Variants in HIBADH observed in about 807,000 individuals in gnomAD.
The protein encoded by HIBADH is 3-hydroxyisobutyrate dehydrogenase.
A neutral mutation model predicts 36.1 loss-of-function variants in HIBADH; 25 were observed. The ratio of observed to expected loss-of-function variants is 0.69; its 90% CI spans 0.50 to 0.97. The LOEUF is 0.97. Among genes scored for constraint, HIBADH ranks in the 50% least tolerant of loss-of-function variants. The probability of loss-of-function intolerance (pLI) is 0.00; values close to 1 mark genes in which losing one functional copy is unlikely to be tolerated. For synonymous variants in HIBADH, 160 were observed against 149.5 expected, an observed-to-expected ratio of 1.07 and a Z score of -0.51; for missense variants, 421 against 418.0, an observed-to-expected ratio of 1.01 and a Z score of -0.06.
At chr7:27,636,539 T>G (rs557769174) in intron 2 of HIBADH, among the ~76,000 whole-genome samples, 2 of 152,368 alleles carry the variant, frequency 1.3e-5, no homozygotes, top group East Asian at 3.9e-4. Flanking sequence ...GATGCCAGAT[T>G]AGATCCCAAG....
chr7:27,564,013 C>T (rs916636806), intron 4 of HIBADH, among the ~76,000 whole-genome samples: 1 of 151,668 alleles, frequency 6.6e-6, no homozygotes, highest in Admixed American at 6.6e-5. Flanking sequence ...ATTCTCCTGC[C>T]TCAGCCTCCC....
intron 4 of HIBADH, among the ~76,000 whole-genome samples, chr7:27,608,390 T>G (rs75939127): frequency 2.1e-3 from 325 of 152,334 alleles, no homozygotes; most frequent in African/African-American, 7.6e-3. Context: ...TGTTCACAAC[T>G]ACATCACCCA....
intron 2 of HIBADH, among the ~76,000 whole-genome samples, chr7:27,648,038 A>C (rs751972213): frequency 6.6e-6 from 1 of 152,240 alleles, no homozygotes; most frequent in Non-Finnish European, 1.5e-5. Context: ...TCTTACTAAC[A>C]GATAAACCAC....
chr7:27,633,276 T>C (rs10486549), intron 2 of HIBADH, among the ~76,000 whole-genome samples: 30,920 of 152,128 alleles, frequency 0.2, 4,133 homozygotes, highest in East Asian at 0.53. Context: ...TTTCCACATA[T>C]TCACCTTGAT....
chr7:27,635,086 A>ATATG (rs112396501), intron 2 of HIBADH, among the ~76,000 whole-genome samples: 1 of 149,660 alleles, frequency 6.7e-6, no homozygotes, highest in Non-Finnish European at 1.5e-5. Context: ...CTCTCTGTGC[A>ATATG]TGTGTGTGTG....
At chr7:27,646,461 G>C (rs552321257) in intron 2 of HIBADH, among the ~76,000 whole-genome samples, 1 of 152,102 alleles carries the variant, frequency 6.6e-6, no homozygotes. Context: ...GACTCCCAGT[G>C]GATGCCTGAA....
chr7:27,613,599 T>C (rs1174349250), intron 4 of HIBADH, among the ~76,000 whole-genome samples: 1 of 151,874 alleles, frequency 6.6e-6, no homozygotes, highest in Non-Finnish European at 1.5e-5. Context: ...GTCCTTCTGT[T>C]GGCCTGGAAT....
intron 7 of HIBADH, among the ~76,000 whole-genome samples, chr7:27,530,206 CT>C (rs70994657): frequency 0.76 from 113,263 of 149,478 alleles, 43,246 homozygotes; most frequent in East Asian, 0.94. Context: ...TATTCTTTTT[CT>C]TTTTTTTTTT....
chr7:27,661,182 T>C (rs1786409454), intron 1 of HIBADH, among the ~76,000 whole-genome samples: 1 of 152,184 alleles, frequency 6.6e-6, no homozygotes, highest in Admixed American at 6.5e-5. Context: ...GTTACTGTGG[T>C]TCTGTATCAG....
At chr7:27,554,365 C>G (rs1232393066) in intron 4 of HIBADH, among the ~76,000 whole-genome samples, 1 of 152,200 alleles carries the variant, frequency 6.6e-6, no homozygotes, top group Non-Finnish European at 1.5e-5. Flanking sequence ...ATTTTACTTT[C>G]TTTAGGCAAC....
At chr7:27,604,489 C>T (rs991307159) in intron 4 of HIBADH, among the ~76,000 whole-genome samples, 5 of 151,352 alleles carry the variant, frequency 3.3e-5, no homozygotes, top group Non-Finnish European at 7.4e-5. Context: ...AATTCTAACA[C>T]AACAAGCCAA....
At chr7:27,595,147 C>A (rs1345449775) in intron 4 of HIBADH, among the ~76,000 whole-genome samples, 1 of 152,104 alleles carries the variant, frequency 6.6e-6, no homozygotes, top group Non-Finnish European at 1.5e-5. Flanking sequence ...TTACCATAAA[C>A]TGAATAAAGA....
rs796673520 is a variant in HIBADH at position 27,613,037 on chromosome 7, AATAT to A, written c.484+16330_484+16333del. The stretch of plus-strand genomic sequence containing the variant: ...AAAAATATATATATTATATTTACAT[AATAT>A]ATAAATATATATAATATAATTTATA... On this transcript the variant is annotated intron_variant, in intron 4 of 7. Transcript: ENST00000265395. Among the ~76,000 whole-genome samples, 3 of 129,968 alleles carry A rather than the reference AATAT, an allele frequency of 2.3e-5. No individual in the cohort carries two copies. In the South Asian group the frequency reaches 6.7e-4, roughly 29 times the overall value. 85.3% of individuals were successfully genotyped at this position (129,968 alleles called of 152,430 possible).
chr7:27,602,242 A>C lies in HIBADH; in HGVS notation c.484+27129T>G, dbSNP rs143767853. Among the ~76,000 whole-genome samples, 490 of 152,286 alleles carry C rather than the reference A, an allele frequency of 3.2e-3. 5 individuals carry two copies. Among genetic ancestry groups the C allele is most frequent in the African/African-American group, 0.011 (461 of 41,560 alleles). Reference sequence around the variant, plus strand: ...AGGATGAAATGTTTTAAAATACAGAAACAACCCAGTGTGATAAACTGACAC... The same window carrying C: ...AGGATGAAATGTTTTAAAATACAGACACAACCCAGTGTGATAAACTGACAC... On this transcript the variant is annotated intron_variant, in intron 4 of 7. Coordinates refer to ENST00000265395, the MANE Select transcript of HIBADH (RefSeq NM_152740.4).
At chr7:27,579,951 T>G (rs1784765666) in intron 4 of HIBADH, among the ~76,000 whole-genome samples, 1 of 152,206 alleles carries the variant, frequency 6.6e-6, no homozygotes, top group Non-Finnish European at 1.5e-5. Flanking sequence ...AGAAAATCCA[T>G]AGTACTTGCT....
At position 27,662,710 on chromosome 7, in the gene HIBADH, TGCCGGCTGCCGGCCGCAGCC is replaced by T. The variant is rs1319889652; in HGVS notation, c.59_78del (p.Arg20GlnfsTer8). On this transcript the variant is annotated frameshift_variant, in exon 1 of 8. Transcript: ENST00000265395. LOFTEE classifies it high-confidence loss of function. ...GTGAGGTCCTTACCCGCTGCAAAGC[TGCCGGCTGCCGGCCGCAGCC>T]GCCGGCTCCAGTACCGGAGACCGGA... is the stretch of plus-strand genomic sequence containing the variant. The T allele has an allele frequency of 1.5e-6, 2 of 1,368,360 alleles. No homozygotes were observed. Among genetic ancestry groups the T allele is most frequent in the Non-Finnish European group, 1.9e-6 (2 of 1,054,332 alleles). The allele number at this position is 1,368,360 out of a possible 1,614,324, so 84.8% of individuals were successfully genotyped here. A position where few individuals can be genotyped will look rare whatever the true frequency, so the allele number is the denominator to read the frequency against.
At chr7:27,595,038 G>T (rs1313456846) in intron 4 of HIBADH, among the ~76,000 whole-genome samples, 2 of 152,256 alleles carry the variant, frequency 1.3e-5, no homozygotes, top group East Asian at 3.9e-4. Flanking sequence ...CTTAGTGACA[G>T]TAAACCTTTT....
intron 7 of HIBADH, among the ~76,000 whole-genome samples, chr7:27,527,063 T>G (rs60045453): frequency 0.77 from 117,558 of 151,874 alleles, 46,217 homozygotes; most frequent in East Asian, 0.94. Flanking sequence ...GCAGACAATG[T>G]GACAGCAAAT....
chr7:27,541,230 C>T (rs879604339), intron 5 of HIBADH, among the ~76,000 whole-genome samples: 14 of 151,546 alleles, frequency 9.2e-5, no homozygotes, highest in Non-Finnish European at 1.9e-4. Flanking sequence ...TTCTTAATGG[C>T]GCCTGGGAAC....
Sources: allele counts gnomAD v4.1 joint callset (sites outside exome capture counted in the v4.1 genomes callset), GRCh38; gene constraint gnomAD v4.1.1; transcripts MANE v1.5; gene names NCBI Gene and HGNC (gene_info 2026-07-23, HGNC 2026-07-21).